Variants in MACROD2 observed in about 807,000 individuals in gnomAD.
MACROD2 encodes ADP-ribose glycohydrolase MACROD2.
MACROD2 carries 36 observed loss-of-function variants against 70.4 expected under a neutral mutation model. The observed-to-expected ratio is 0.51, with a 90% CI of 0.39 to 0.68. MACROD2 has a LOEUF of 0.68. Ranked by LOEUF, MACROD2 falls within the 30% of genes least tolerant of loss-of-function variation. The pLI is 0.00. For missense variants in MACROD2, 496 were observed against 538.4 expected (o/e 0.92, Z 0.78); for synonymous variants, 172 against 178.8 (o/e 0.96, Z 0.30).
chr20:15,300,658 C>A (rs893720824), intron 6 of MACROD2, among the ~76,000 whole-genome samples: 2 of 152,138 alleles, frequency 1.3e-5, no homozygotes, highest in African/African-American at 4.8e-5. Context: ...TTAAATTCCA[C>A]TTTTTTTCTT....
chr20:15,750,229 C>A (rs1305552044), intron 8 of MACROD2, among the ~76,000 whole-genome samples: 1 of 151,908 alleles, frequency 6.6e-6, no homozygotes, highest in Non-Finnish European at 1.5e-5. Context: ...TTCAAATAGC[C>A]AATAGGTACA....
chr20:14,412,037 T>C (rs1274513258), intron 3 of MACROD2, among the ~76,000 whole-genome samples: 1 of 152,200 alleles, frequency 6.6e-6, no homozygotes, highest in Admixed American at 6.5e-5. Flanking sequence ...ATTAATGTAT[T>C]TTTTCCCCAA....
chr20:14,923,703 A>G (rs2074191370), intron 5 of MACROD2, among the ~76,000 whole-genome samples: 1 of 150,926 alleles, frequency 6.6e-6, no homozygotes, highest in Non-Finnish European at 1.5e-5. Flanking sequence ...TTGTTGAAAT[A>G]TCTAAGATAG....
chr20:14,558,334 T>G (rs1171763952), intron 4 of MACROD2, among the ~76,000 whole-genome samples: 2 of 151,718 alleles, frequency 1.3e-5, no homozygotes, highest in East Asian at 3.9e-4. Flanking sequence ...TTAAAGGGCC[T>G]GGTATGTGAA....
intron 15 of MACROD2, among the ~76,000 whole-genome samples, chr20:15,999,218 A>T (rs1161780235): frequency 6.6e-6 from 1 of 151,816 alleles, no homozygotes; most frequent in African/African-American, 2.4e-5. Flanking sequence ...AGATTCTTTC[A>T]ATTTTGTGAT....
intron 5 of MACROD2, among the ~76,000 whole-genome samples, chr20:14,918,150 T>C (rs1256720086): frequency 6.6e-6 from 1 of 152,010 alleles, no homozygotes; most frequent in Non-Finnish European, 1.5e-5. Context: ...ATTTTTGTAT[T>C]ATTTTTGTAG....
intron 4 of MACROD2, among the ~76,000 whole-genome samples, chr20:14,544,329 T>C (rs1003326824): frequency 2.0e-5 from 3 of 151,986 alleles, no homozygotes; most frequent in Admixed American, 2.0e-4. Context: ...CATAGTATGG[T>C]AGAATGAGCA....
intron 4 of MACROD2, among the ~76,000 whole-genome samples, chr20:14,679,476 G>T (rs1409984688): frequency 6.6e-6 from 1 of 152,020 alleles, no homozygotes; most frequent in Non-Finnish European, 1.5e-5. Context: ...TTTATGAAGG[G>T]TCTAAACACC....
chr20:14,225,510 C>T (rs2081724438), intron 3 of MACROD2, among the ~76,000 whole-genome samples: 1 of 152,148 alleles, frequency 6.6e-6, no homozygotes, highest in Non-Finnish European at 1.5e-5. Context: ...TCACAGTGTC[C>T]TGTGTATTGT....
Position 15,317,628 on chromosome 20 carries a change from A to G in MACROD2, c.540+87567A>G, listed in dbSNP as rs555021632. On this transcript the variant is annotated intron_variant, in intron 6 of 17. Transcript: ENST00000684519. Reference sequence around the variant, plus strand: ...CTGGAGAACCAAAAAAGTTGAGAATATAAGTTCCAGTCCAATGGCTTTTTG... The same window carrying G: ...CTGGAGAACCAAAAAAGTTGAGAATGTAAGTTCCAGTCCAATGGCTTTTTG... Among the ~76,000 whole-genome samples the G allele has an allele frequency of 1.1e-4, 16 of 152,128 alleles. No homozygotes were observed. The East Asian group carries it at 2.5e-3, about 24-fold the overall frequency.
At chr20:14,667,286 G>A (rs1025091693) in intron 4 of MACROD2, among the ~76,000 whole-genome samples, 12 of 152,024 alleles carry the variant, frequency 7.9e-5, no homozygotes, top group Non-Finnish European at 1.5e-4. Flanking sequence ...TATAAATCTT[G>A]ATGTCTCCTA....
chr20:14,406,685 C>CT (rs1161568739), intron 3 of MACROD2, among the ~76,000 whole-genome samples: 2 of 152,252 alleles, frequency 1.3e-5, no homozygotes. Flanking sequence ...TGTGCCCATC[C>CT]TTGCCAGCCC....
intron 8 of MACROD2, among the ~76,000 whole-genome samples, chr20:15,707,186 G>A (rs2050547905): frequency 1.3e-5 from 2 of 152,200 alleles, no homozygotes; most frequent in South Asian, 4.2e-4. Context: ...CCTGATCCTG[G>A]GTGACGGAAA....
intron 2 of MACROD2, among the ~76,000 whole-genome samples, chr20:14,058,587 T>C (rs1217246614): frequency 6.6e-6 from 1 of 151,756 alleles, no homozygotes; most frequent in Non-Finnish European, 1.5e-5. Context: ...CTTTTTTCTT[T>C]GACTTTTACT....
intron 4 of MACROD2, among the ~76,000 whole-genome samples, chr20:14,664,346 C>T (rs1338334479): frequency 6.6e-6 from 1 of 152,034 alleles, no homozygotes; most frequent in Non-Finnish European, 1.5e-5. Flanking sequence ...TTCGAGTGGG[C>T]TGAAAAGAAT....
At chr20:14,230,304 C>T (rs2081789895) in intron 3 of MACROD2, among the ~76,000 whole-genome samples, 1 of 152,126 alleles carries the variant, frequency 6.6e-6, no homozygotes, top group Admixed American at 6.5e-5. Flanking sequence ...TCAGTCCTCT[C>T]AAACAGTACC....
At chr20:14,407,082 C>G (rs574774676) in intron 3 of MACROD2, among the ~76,000 whole-genome samples, 1 of 149,808 alleles carries the variant, frequency 6.7e-6, no homozygotes, top group African/African-American at 2.5e-5. Context: ...TTAAACAATC[C>G]TTTTATTCAG....
At chr20:15,531,187 T>G (rs16995909) in intron 8 of MACROD2, among the ~76,000 whole-genome samples, 2,573 of 151,846 alleles carry the variant, frequency 0.017, 73 homozygotes, top group African/African-American at 0.058. Flanking sequence ...AAAAAAATTT[T>G]AATATTTTGA....
At chr20:15,772,963 C>T (rs755827240) in intron 8 of MACROD2, among the ~76,000 whole-genome samples, 29 of 152,046 alleles carry the variant, frequency 1.9e-4, no homozygotes, top group Admixed American at 5.9e-4. Context: ...CCTCTTAACA[C>T]GTGGTAATTA....
Sources: gnomAD v4.1 joint callset for allele counts (sites outside exome capture counted in the v4.1 genomes callset) on GRCh38, gnomAD v4.1.1 for gene constraint, MANE v1.5 for transcripts, NCBI Gene and HGNC (gene_info 2026-07-23, HGNC 2026-07-21) for gene names.